The following FILIP1 variants were observed in gnomAD, a reference collection of about 807,000 sequenced individuals.
FILIP1 encodes the protein filamin A interacting protein 1.
A neutral mutation model predicts 102.1 loss-of-function variants in FILIP1; 61 were observed. That is an observed-to-expected ratio of 0.60 (90% CI 0.49 to 0.74). FILIP1 has a LOEUF of 0.74. FILIP1 is among the 30% of genes least tolerant of loss of function. FILIP1 has a pLI of 0.00. For missense variants in FILIP1, 1,314 were observed against 1,441.2 expected, an observed-to-expected ratio of 0.91 and a Z score of 1.43; for synonymous variants, 491 against 526.9, an observed-to-expected ratio of 0.93 and a Z score of 0.93.
At chr6:75,322,002 A>G (rs1010493516) in intron 4 of FILIP1, among the ~76,000 whole-genome samples, 1 of 152,156 alleles carries the variant, frequency 6.6e-6, no homozygotes, top group Non-Finnish European at 1.5e-5. Flanking sequence ...GAAACACAGG[A>G]GCACCCAAGG....
chr6:75,348,448 G>T (rs1240275502), intron 4 of FILIP1, among the ~76,000 whole-genome samples: 1 of 152,040 alleles, frequency 6.6e-6, no homozygotes, highest in African/African-American at 2.4e-5. Context: ...TTTAATTTGG[G>T]ACTATAACTA....
At position 75,312,921 on chromosome 6, in the gene FILIP1, T is replaced by C. The variant is rs1582321351; in HGVS notation, c.2911A>G (p.Thr971Ala). 1 of 1,613,914 alleles carries C rather than the reference T, an allele frequency of 6.2e-7. No homozygotes were observed. Among genetic ancestry groups the C allele is most frequent in the African/African-American group, 1.3e-5 (1 of 74,832 alleles). Residue 971 changes from threonine (T) to alanine (A), a missense_variant, in exon 5 of 6, where the codon ACT (threonine) becomes GCT (alanine). This residue lies in a region of FILIP1 where 816 missense variants were observed against 913.1 expected (regional missense o/e 0.89). Coordinates refer to ENST00000237172, the MANE Select transcript of FILIP1 (RefSeq NM_015687.5). Reference sequence around the variant, plus strand: ...GACATGGCTCGTTCTGGGCCAAGAGTAGTATCTCCACTTTTTTGTTTTTGA... The same window carrying C: ...GACATGGCTCGTTCTGGGCCAAGAGCAGTATCTCCACTTTTTTGTTTTTGA... ...MPQKQKSGDT[T>A]LGPERAMSPV...
intron 6 of FILIP1, among the ~76,000 whole-genome samples, chr6:75,302,785 C>T (rs181202323): frequency 1.7e-3 from 262 of 150,976 alleles, no homozygotes; most frequent in Middle Eastern, 3.4e-3. Context: ...AACTTTTGGG[C>T]GGTTTTCAAA....
intron 2 of FILIP1, among the ~76,000 whole-genome samples, chr6:75,382,312 C>G (rs988695136): frequency 6.6e-6 from 1 of 152,228 alleles, no homozygotes; most frequent in African/African-American, 2.4e-5. Flanking sequence ...TAGAGCATGA[C>G]TTCTTGCAAT....
chr6:75,437,709 T>C (rs1355550408), intron 1 of FILIP1, among the ~76,000 whole-genome samples: 1 of 152,250 alleles, frequency 6.6e-6, no homozygotes, highest in Non-Finnish European at 1.5e-5. Flanking sequence ...GGGTCCTTCA[T>C]GATCTGCTGA....
At chr6:75,402,825 T>G (rs1230546684) in intron 2 of FILIP1, among the ~76,000 whole-genome samples, 1 of 152,226 alleles carries the variant, frequency 6.6e-6, no homozygotes, top group East Asian at 1.9e-4. Flanking sequence ...TCATTAACAT[T>G]ATATATTATG....
chr6:75,435,098 T>C (rs1424931224), intron 1 of FILIP1, among the ~76,000 whole-genome samples: 2 of 152,314 alleles, frequency 1.3e-5, no homozygotes. Flanking sequence ...CAGTATTTTA[T>C]TGAGGATTTT....
chr6:75,341,611 T>C (rs1774422696), intron 4 of FILIP1, among the ~76,000 whole-genome samples: 1 of 152,154 alleles, frequency 6.6e-6, no homozygotes, highest in Non-Finnish European at 1.5e-5. Flanking sequence ...TTATATTTAA[T>C]ATAGTTTGTA....
chr6:75,450,162 G>T (rs1189837833), intron 1 of FILIP1, among the ~76,000 whole-genome samples: 1 of 152,032 alleles, frequency 6.6e-6, no homozygotes, highest in Non-Finnish European at 1.5e-5. Flanking sequence ...GCCCGGGCGG[G>T]TGGAGGGATC....
chr6:75,444,609 ACAGT>A lies in FILIP1; in HGVS notation c.-6-29635_-6-29632del, dbSNP rs201671922. 1.0e-2 allele frequency among the ~76,000 whole-genome samples: 1,516 copies of A among 152,252 alleles called. 27 individuals carry two copies. The highest frequency in any genetic ancestry group is 0.035 in the African/African-American group (1,447 of 41,528). On this transcript the variant is annotated intron_variant, in intron 1 of 5. Transcript: ENST00000237172. The stretch of plus-strand genomic sequence containing the variant: ...GTCCCCTACCATCGTAAGTTGTTTT[ACAGT>A]CAGTCTATCACTTGACACTCACCTA...
chr6:75,327,086 T>C (rs948410641), intron 4 of FILIP1, among the ~76,000 whole-genome samples: 1 of 152,162 alleles, frequency 6.6e-6, no homozygotes, highest in African/African-American at 2.4e-5. Flanking sequence ...TCATTCTTTA[T>C]CTCTTCTGAG....
Position 75,463,195 on chromosome 6 carries a change from G to A in FILIP1, c.-7+30219C>T, listed in dbSNP as rs925305289. On this transcript the variant is annotated intron_variant, in intron 1 of 5. Transcript: ENST00000237172. ...GGATCTTAGAATTGCTGCTCTCAGC[G>A]CACAAAGTAAAGCCCACTATTGTGC... Among the ~76,000 whole-genome samples the A allele has an allele frequency of 5.3e-5, 8 of 152,222 alleles. No individual in the cohort carries two copies. The South Asian group carries it at 6.2e-4, about 12-fold the overall frequency.
chr6:75,458,489 A>G (rs1038269498), intron 1 of FILIP1, among the ~76,000 whole-genome samples: 3 of 152,226 alleles, frequency 2.0e-5, no homozygotes, highest in African/African-American at 7.2e-5. Context: ...AGGCAAACGT[A>G]GAAAACTGGT....
intron 1 of FILIP1, among the ~76,000 whole-genome samples, chr6:75,491,443 A>G (rs1779954075): frequency 6.6e-6 from 1 of 152,184 alleles, no homozygotes; most frequent in Non-Finnish European, 1.5e-5. Context: ...ATAACTGAAG[A>G]GTAGATAGAC....
intron 1 of FILIP1, among the ~76,000 whole-genome samples, chr6:75,421,485 G>A (rs189754264): frequency 2.0e-5 from 3 of 152,160 alleles, no homozygotes; most frequent in Non-Finnish European, 4.4e-5. Context: ...GGTGGTTACC[G>A]CAAGATTCAA....
At chr6:75,362,696 T>A (rs1208856857) in intron 3 of FILIP1, 48 bp downstream of exon 3, 2 of 1,564,356 alleles carry the variant, frequency 1.3e-6, no homozygotes, top group Non-Finnish European at 1.7e-6. Context: ...TGTGAAGATA[T>A]CTCCCTGAGG....
chr6:75,295,851 T>C (rs1772652837), exon 7 of FILIP1: 17 of 1,153,574 alleles, frequency 1.5e-5, no homozygotes, highest in Non-Finnish European at 1.9e-5. Flanking sequence ...TTGAGGGCTG[T>C]CCATTCAATA....
In FILIP1 at chr6:75,314,462, T is replaced by C. The variant is rs770926736; in HGVS notation, c.1370A>G (p.Glu457Gly). The change falls in exon 5 of 6, where the codon GAG becomes GGG. Residue 457 changes from glutamate to glycine, a missense_variant. Physicochemically the swap from Glu to Gly is moderately conservative, Grantham distance 98. Coordinates refer to ENST00000237172, the MANE Select transcript of FILIP1 (RefSeq NM_015687.5). The stretch of plus-strand genomic sequence containing the variant: ...GTCTTTGGTTAAGTTCTTTTCTTTC[T>C]CCAGATTTAAATGTAGCTGGGTGCA... ...SECTQLHLNL[E>G]KEKNLTKDLL... is the part of the protein sequence containing the mutation. 1.6e-5 allele frequency: 26 copies of C among 1,588,966 alleles called. No individual in the cohort carries two copies. The highest frequency in any genetic ancestry group is 2.2e-5 in the Non-Finnish European group (26 of 1,172,938).
intron 3 of FILIP1, among the ~76,000 whole-genome samples, chr6:75,354,098 G>A (rs1774905204): frequency 6.6e-6 from 1 of 152,152 alleles, no homozygotes; most frequent in African/African-American, 2.4e-5. Flanking sequence ...GTCCTTTAGT[G>A]AACATATGGC....
Sources: allele counts gnomAD v4.1 joint callset (sites outside exome capture counted in the v4.1 genomes callset), GRCh38; gene constraint gnomAD v4.1.1; regional missense constraint gnomAD v4.1.1; transcripts MANE v1.5; gene names NCBI Gene and HGNC (gene_info 2026-07-23, HGNC 2026-07-21).